The following PCSK6 variants were observed in gnomAD, a reference collection of about 807,000 sequenced individuals.
The protein encoded by PCSK6 is proprotein convertase subtilisin/kexin type 6.
PCSK6 carries 85 observed loss-of-function variants against 123.3 expected under a neutral mutation model. The observed-to-expected ratio is 0.69, with a 90% CI of 0.58 to 0.83. The LOEUF (loss-of-function observed/expected upper bound fraction) is 0.83. Ranked by LOEUF, PCSK6 falls within the 40% of genes least tolerant of loss-of-function variation. The pLI is 0.00. For synonymous variants in PCSK6, 508 were observed against 516.0 expected, an observed-to-expected ratio of 0.98 and a Z score of 0.21; for missense variants, 1,191 against 1,282.3, an observed-to-expected ratio of 0.93 and a Z score of 1.09.
chr15:101,329,883 G>A (rs1018529911), intron 15 of PCSK6, among the ~76,000 whole-genome samples: 1 of 152,080 alleles, frequency 6.6e-6, no homozygotes, highest in East Asian at 1.9e-4. Context: ...CCCCATCCTC[G>A]CTGGTTTCAT....
At chr15:101,367,075 A>AG (rs1389864981) in intron 12 of PCSK6, among the ~76,000 whole-genome samples, 3 of 152,096 alleles carry the variant, frequency 2.0e-5, no homozygotes, top group Non-Finnish European at 4.4e-5. Flanking sequence ...CCCCACCCCC[A>AG]GCAGTACCCT....
intron 6 of PCSK6, among the ~76,000 whole-genome samples, chr15:101,423,690 C>T (rs1465370832): frequency 6.6e-6 from 1 of 152,014 alleles, no homozygotes; most frequent in Non-Finnish European, 1.5e-5. Context: ...GCCTCAGTAA[C>T]CTGTGAGGCG....
intron 13 of PCSK6, among the ~76,000 whole-genome samples, chr15:101,344,273 T>G (rs1388364060): frequency 2.0e-5 from 3 of 152,230 alleles, no homozygotes; most frequent in Admixed American, 6.5e-5. Flanking sequence ...TCATTTTCTC[T>G]TTGTAGTTTT....
chr15:101,410,125 G>A (rs2042903651), intron 6 of PCSK6, among the ~76,000 whole-genome samples: 1 of 152,204 alleles, frequency 6.6e-6, no homozygotes, highest in Non-Finnish European at 1.5e-5. Flanking sequence ...TAGACACAGG[G>A]TCTCACTATG....
rs1158143909 is a variant in PCSK6 at position 101,393,364 on chromosome 15, C to A, written c.1057G>T (p.Asp353Tyr). Residue 353 changes from aspartate to tyrosine, a missense_variant, in exon 8 of 22, where the codon GAC (aspartate) becomes TAC (tyrosine). Coordinates refer to ENST00000611716, the MANE Select transcript of PCSK6 (RefSeq NM_002570.5). ...WASGNGGREG[D>Y]YCSCDGYTNS... is the part of the protein sequence containing the mutation. ...GTGTAGCCATCGCACGAGCAGTAGT[C>A]CCCCTCTCTCCCGCCATTCCCAGAT... 1.9e-6 allele frequency: 3 copies of A among 1,606,292 alleles called. No individual in the cohort carries two copies. Among genetic ancestry groups the A allele is most frequent in the Non-Finnish European group, 2.6e-6 (3 of 1,176,354 alleles).
At chr15:101,326,270 G>A in intron 16 of PCSK6, 107 bp downstream of exon 16, 1 of 782,736 alleles carries the variant, frequency 1.3e-6, no homozygotes, top group Middle Eastern at 2.3e-4. Flanking sequence ...TGATTGTTTG[G>A]GGGTGCTACG....
intron 13 of PCSK6, among the ~76,000 whole-genome samples, chr15:101,360,415 C>T (rs577442193): frequency 6.6e-6 from 1 of 152,312 alleles, no homozygotes; most frequent in East Asian, 1.9e-4. Flanking sequence ...CTGTCCTATT[C>T]TGCTCCTCTT....
intron 1 of PCSK6, among the ~76,000 whole-genome samples, chr15:101,481,267 C>T (rs34371225): frequency 0.083 from 12,196 of 147,764 alleles, 589 homozygotes; most frequent in East Asian, 0.12. Flanking sequence ...CGGGGTGAGT[C>T]GGCTGATGGA....
intron 13 of PCSK6, among the ~76,000 whole-genome samples, chr15:101,342,806 G>T (rs913071364): frequency 6.6e-6 from 1 of 152,132 alleles, no homozygotes; most frequent in African/African-American, 2.4e-5. Context: ...GGAGACTAAG[G>T]CAGGAGAATC....
intron 6 of PCSK6, among the ~76,000 whole-genome samples, chr15:101,426,862 G>A (rs2056274471): frequency 6.6e-6 from 1 of 152,204 alleles, no homozygotes; most frequent in Admixed American, 6.5e-5. Flanking sequence ...CCAAGGCTCA[G>A]TGGCAGGATG....
intron 6 of PCSK6, among the ~76,000 whole-genome samples, chr15:101,416,280 G>A (rs1428266191): frequency 6.6e-6 from 1 of 152,182 alleles, no homozygotes; most frequent in Admixed American, 6.5e-5. Context: ...GCAGAATTTT[G>A]CCCCTGCCCC....
In PCSK6 at chr15:101,326,465, C is replaced by T; in HGVS notation, c.2092G>A (p.Glu698Lys). Residue 698 changes from glutamate to lysine, a missense_variant, in exon 16 of 22, where the codon GAG (glutamate) becomes AAG (lysine). By Grantham distance (56) the Glu-to-Lys change is moderately conservative. Coordinates refer to ENST00000611716, the MANE Select transcript of PCSK6 (RefSeq NM_002570.5). ...CCATCACAGCCTTTGTCACCACACT[C>T]CGGATGGCACACACCTTAAAGAAAC... ...NILQTSVCHPECGDKGCDGPN... is the reference protein window; with the variant it reads ...NILQTSVCHPKCGDKGCDGPN... 1 of 1,580,342 alleles carries T rather than the reference C, an allele frequency of 6.3e-7. No homozygotes were observed. Among genetic ancestry groups the T allele is most frequent in the South Asian group, 1.2e-5 (1 of 85,922 alleles).
In PCSK6 at chr15:101,327,167, T is replaced by C. The variant is rs546344099; in HGVS notation, c.2078-688A>G. On this transcript the variant is annotated intron_variant, in intron 15 of 21. Coordinates refer to ENST00000611716, the MANE Select transcript of PCSK6 (RefSeq NM_002570.5). ...CCCCTTTAGGCTTTCCTTGGAGCCC[T>C]TGGTGGGACGGCAGCTGTGTCTTCC... is the stretch of plus-strand genomic sequence containing the variant. 1.2e-3 allele frequency among the ~76,000 whole-genome samples: 189 copies of C among 152,268 alleles called. 2 individuals carry two copies. Among genetic ancestry groups the C allele is most frequent in the African/African-American group, 4.3e-3 (178 of 41,548 alleles).
chr15:101,324,089 G>A (rs192887993), intron 17 of PCSK6, among the ~76,000 whole-genome samples: 2 of 152,324 alleles, frequency 1.3e-5, no homozygotes, highest in Middle Eastern at 3.4e-3. Flanking sequence ...CTGGCCTTGC[G>A]GCTCTGAGTC....
In PCSK6 at chr15:101,444,919, G is replaced by C. The variant is rs1596339749; in HGVS notation, c.298-1259C>G. 2.0e-5 allele frequency among the ~76,000 whole-genome samples: 3 copies of C among 152,166 alleles called. No homozygotes were observed. In the South Asian group the frequency reaches 6.2e-4, roughly 32 times the overall value. ...GAAGATAAGGCAGGAGTGCAAGAGA[G>C]AGCCTCCCAGCCCCTTTGCTTCCCT... is the stretch of plus-strand genomic sequence containing the variant. On this transcript the variant is annotated intron_variant, in intron 1 of 21. Transcript: ENST00000611716.
At chr15:101,322,165 G>T (rs983827155) in intron 18 of PCSK6, among the ~76,000 whole-genome samples, 2 of 152,178 alleles carry the variant, frequency 1.3e-5, no homozygotes, top group Middle Eastern at 3.2e-3. Flanking sequence ...AGGAGAGAGG[G>T]TGGGTGAGCC....
chr15:101,395,416 G>T (rs940450971), intron 7 of PCSK6, among the ~76,000 whole-genome samples: 5 of 152,192 alleles, frequency 3.3e-5, no homozygotes, highest in African/African-American at 1.2e-4. Flanking sequence ...AAATGCTCAA[G>T]GTTTGCATTT....
In PCSK6 at chr15:101,307,204, G is replaced by A. The variant is rs1403954957; in HGVS notation, c.2812+9C>T. The A allele has an allele frequency of 6.2e-7, 1 of 1,605,122 alleles. No individual in the cohort carries two copies. The highest frequency in any genetic ancestry group is 1.7e-5 in the Admixed American group (1 of 59,824). On this transcript the variant is annotated intron_variant, in intron 21 of 21. Transcript: ENST00000611716. ...CAGGCAGCCCCAGGGTAACCCAGCT[G>A]CTGCTCACCGTTGCTGCACGTGTGG...
In PCSK6 at chr15:101,419,643, A is replaced by AT. The variant is rs531303690; in HGVS notation, c.823+8248dup. ...TTTTGAAAAGGAACCATAAGAGAAA[A>AT]TTTGCCCTATCAGTTACCAAAAAAA... On this transcript the variant is annotated intron_variant, in intron 6 of 21. Coordinates refer to ENST00000611716, the MANE Select transcript of PCSK6 (RefSeq NM_002570.5). Among the ~76,000 whole-genome samples, 893 of 152,190 alleles carry AT rather than the reference A, an allele frequency of 5.9e-3. 9 individuals carry two copies. Among genetic ancestry groups the AT allele is most frequent in the South Asian group, 0.028 (136 of 4,804 alleles).
Sources: gnomAD v4.1 joint callset for allele counts (sites outside exome capture counted in the v4.1 genomes callset) on GRCh38, gnomAD v4.1.1 for gene constraint, MANE v1.5 for transcripts, NCBI Gene and HGNC (gene_info 2026-07-23, HGNC 2026-07-21) for gene names.